Variants in TBL1X observed in about 807,000 individuals in gnomAD.
TBL1X encodes the protein F-box-like/WD repeat-containing protein TBL1X.
TBL1X carries 10 observed loss-of-function variants against 50.7 expected under a neutral mutation model. That is an observed-to-expected ratio of 0.20 (90% CI 0.12 to 0.33). The LOEUF is 0.33. Among genes scored for constraint, TBL1X ranks in the 10% least tolerant of loss-of-function variants. The pLI is 1.00. For missense variants in TBL1X, 340 were observed against 504.4 expected (o/e 0.67, Z 3.12); for synonymous variants, 190 against 214.7 (o/e 0.88, Z 1.01).
Position 9,465,352 on chromosome X carries a change from G to A in TBL1X, c.-296G>A. On this transcript the variant is annotated 5_prime_UTR_variant, in exon 1 of 18. Transcript: ENST00000645353. ...CCGGGGCGCCGGGCCCTCTTCGGCC[G>A]CCGCACGGCCGGGACTCGGAGGCTG... 9.0e-6 allele frequency: 1 copy of A among 110,569 alleles called. No individual in the cohort carries two copies. Among genetic ancestry groups the A allele is most frequent in the South Asian group, 3.2e-4 (1 of 3,140 alleles). The allele number at this position is 110,569 out of a possible 1,213,427, so 9.1% of individuals were successfully genotyped here.
intron 11 of TBL1X, among the ~76,000 whole-genome samples, chrX:9,695,642 A>G (rs1042912608): frequency 2.7e-5 from 3 of 112,018 alleles, no homozygotes; most frequent in Non-Finnish European, 5.6e-5. Context: ...CACAAGTATG[A>G]TCACTCCCAT....
chrX:9,690,295 C>A, intron 7 of TBL1X, among the ~76,000 whole-genome samples: 1 of 112,209 alleles, frequency 8.9e-6, no homozygotes, highest in Admixed American at 9.4e-5. Context: ...GGCCACACAC[C>A]AGGCTGTTTA....
At chrX:9,556,260 T>C (rs2082298927) in intron 2 of TBL1X, among the ~76,000 whole-genome samples, 1 of 109,984 alleles carries the variant, frequency 9.1e-6, no homozygotes, top group Non-Finnish European at 1.9e-5. Context: ...CTGAATATAG[T>C]ATGATGAGAA....
chrX:9,562,828 A>G (rs1221079829), intron 2 of TBL1X, among the ~76,000 whole-genome samples: 7 of 111,795 alleles, frequency 6.3e-5, no homozygotes, highest in Non-Finnish European at 1.1e-4. Flanking sequence ...GTACACACCT[A>G]TTACATGCCC....
chrX:9,508,036 A>G (rs2082034860), intron 2 of TBL1X, among the ~76,000 whole-genome samples: 1 of 112,501 alleles, frequency 8.9e-6, no homozygotes, highest in Admixed American at 9.4e-5. Context: ...GGCATGGGCT[A>G]AGAGTTCATG....
chrX:9,584,061 A>G (rs928433331), intron 2 of TBL1X, among the ~76,000 whole-genome samples: 3 of 112,329 alleles, frequency 2.7e-5, no homozygotes, highest in Non-Finnish European at 5.6e-5. Context: ...CACCTTTCCC[A>G]TTAGTAGAGG....
At position 9,691,727 on chromosome X, in the gene TBL1X, T is replaced by TG. The variant is rs3214138; in HGVS notation, c.749+22dup. 516,431 of 1,204,125 alleles carry TG rather than the reference T, an allele frequency of 0.43. 75,711 individuals are homozygous for TG. The highest frequency in any genetic ancestry group is 0.5 in the South Asian group (28,299 of 56,302). ...TAGCCTCCGGGTAAGGATGTCAGGGTGGGGGGCGCTCCAGAGTTGGGGAGA... is the reference window on the plus strand; with the variant it reads ...TAGCCTCCGGGTAAGGATGTCAGGGTGGGGGGGCGCTCCAGAGTTGGGGAGA... On this transcript the variant is annotated intron_variant, in intron 8 of 17. Transcript: ENST00000645353.
At chrX:9,583,791 C>G (rs761146342) in intron 2 of TBL1X, among the ~76,000 whole-genome samples, 2 of 111,306 alleles carry the variant, frequency 1.8e-5, no homozygotes, top group Admixed American at 1.9e-4. Context: ...TCTGGAGGCT[C>G]AAAGTTGATT....
intron 2 of TBL1X, among the ~76,000 whole-genome samples, chrX:9,631,796 C>T (rs2082723080): frequency 1.8e-5 from 2 of 112,765 alleles, no homozygotes; most frequent in African/African-American, 6.4e-5. Context: ...ACTATTTCTG[C>T]CACTTATCAT....
intron 11 of TBL1X, among the ~76,000 whole-genome samples, chrX:9,696,414 A>C (rs755356666): frequency 1.7e-3 from 197 of 113,102 alleles, no homozygotes; most frequent in Non-Finnish European, 2.9e-3. Context: ...GAGCGTCAGT[A>C]ACAGAGAGGT....
At chrX:9,692,845 G>A (rs2083107375) in intron 9 of TBL1X, among the ~76,000 whole-genome samples, 1 of 112,678 alleles carries the variant, frequency 8.9e-6, no homozygotes, top group Admixed American at 9.4e-5. Flanking sequence ...TAGGCTGGGA[G>A]CCCCAAGGTA....
intron 2 of TBL1X, among the ~76,000 whole-genome samples, chrX:9,523,049 T>C (rs1254970458): frequency 1.8e-5 from 2 of 111,976 alleles, no homozygotes; most frequent in East Asian, 5.6e-4. Context: ...CTTCTATTCT[T>C]CATTCTCTAC....
At chrX:9,670,795 T>C (rs2146615985) in intron 5 of TBL1X, among the ~76,000 whole-genome samples, 1 of 112,279 alleles carries the variant, frequency 8.9e-6, no homozygotes, top group East Asian at 2.8e-4. Flanking sequence ...TTCAGCTGAG[T>C]CTCTAAAAAT....
At chrX:9,555,278 T>C (rs2082290940) in intron 2 of TBL1X, among the ~76,000 whole-genome samples, 1 of 111,159 alleles carries the variant, frequency 9.0e-6, no homozygotes, top group African/African-American at 3.3e-5. Flanking sequence ...TGTCTTGTTA[T>C]GTTGCCTAGG....
rs748990159 is a variant in TBL1X, at chrX:9,606,012, C to T, written c.-130-34261C>T. Among the ~76,000 whole-genome samples, 23 of 112,441 alleles carry T rather than the reference C, an allele frequency of 2.0e-4. 1 individual carries two copies. In the South Asian group the frequency reaches 8.6e-3, roughly 42 times the overall value. On this transcript the variant is annotated intron_variant, in intron 2 of 17. Coordinates refer to ENST00000645353, the MANE Select transcript of TBL1X (RefSeq NM_005647.4). ...ATGATCTCACACAGGTTCTGAGTGTCATGAATCCAGGTGCAGCATAACCAG... is the reference window on the plus strand; with the variant it reads ...ATGATCTCACACAGGTTCTGAGTGTTATGAATCCAGGTGCAGCATAACCAG...
At chrX:9,629,930 G>A (rs2082712058) in intron 2 of TBL1X, among the ~76,000 whole-genome samples, 2 of 111,051 alleles carry the variant, frequency 1.8e-5, no homozygotes, top group Non-Finnish European at 3.8e-5. Flanking sequence ...TGCCAGTCCC[G>A]CTCTTTCCTG....
intron 5 of TBL1X, among the ~76,000 whole-genome samples, chrX:9,655,600 C>T (rs369433180): frequency 2.7e-5 from 3 of 111,350 alleles, no homozygotes; most frequent in East Asian, 5.6e-4. Flanking sequence ...TCATAACAGT[C>T]GGTTTGGGAT....
At chrX:9,563,090 A>G (rs2082332035) in intron 2 of TBL1X, among the ~76,000 whole-genome samples, 1 of 112,938 alleles carries the variant, frequency 8.9e-6, no homozygotes. Flanking sequence ...CAGAGCATCC[A>G]GTATACAGAA....
chrX:9,698,855 G>C (rs765431141), intron 12 of TBL1X, among the ~76,000 whole-genome samples: 23 of 110,124 alleles, frequency 2.1e-4, no homozygotes, highest in Admixed American at 4.9e-4. Context: ...CGCTGCTCTG[G>C]AGCCAACTAC....
Sources: allele counts gnomAD v4.1 joint callset (sites outside exome capture counted in the v4.1 genomes callset), GRCh38; gene constraint gnomAD v4.1.1; transcripts MANE v1.5; gene names NCBI Gene and HGNC (gene_info 2026-07-23, HGNC 2026-07-21).